Variants in PSD3 observed in about 807,000 individuals in gnomAD.
The protein encoded by PSD3 is pleckstrin and Sec7 domain containing 3.
PSD3 carries 49 observed loss-of-function variants against 105.5 expected under a neutral mutation model. The ratio of observed to expected loss-of-function variants is 0.46; its 90% CI spans 0.37 to 0.59. PSD3 has a LOEUF of 0.59. Ranked by LOEUF, PSD3 falls within the 20% of genes least tolerant of loss-of-function variation. PSD3 has a pLI of 0.00. For missense variants in PSD3, 1,561 were observed against 1,263.8 expected (o/e 1.24, Z -3.57); for synonymous variants, 557 against 457.8 (o/e 1.22, Z -2.77).
At chr8:18,743,406 T>C (rs1456190189) in intron 9 of PSD3, among the ~76,000 whole-genome samples, 2 of 152,160 alleles carry the variant, frequency 1.3e-5, no homozygotes, top group East Asian at 1.9e-4. Flanking sequence ...AATGGTCCTC[T>C]TTAGAAAATG....
intron 4 of PSD3, among the ~76,000 whole-genome samples, chr8:18,864,476 C>A (rs375252627): frequency 3.3e-5 from 5 of 152,308 alleles, no homozygotes; most frequent in South Asian, 4.1e-4. Flanking sequence ...ATATTTTTTA[C>A]AAGCTAGCGA....
intron 12 of PSD3, among the ~76,000 whole-genome samples, chr8:18,582,266 C>T (rs905106408): frequency 2.0e-5 from 3 of 152,210 alleles, no homozygotes; most frequent in African/African-American, 7.2e-5. Context: ...ACGCTCACCA[C>T]TGCACTGAAA....
chr8:18,985,121 A>AC (rs1379573142), intron 1 of PSD3, among the ~76,000 whole-genome samples: 1 of 152,024 alleles, frequency 6.6e-6, no homozygotes, highest in Non-Finnish European at 1.5e-5. Context: ...TTTAGTGGAG[A>AC]TGGGGTTTCG....
intron 1 of PSD3, among the ~76,000 whole-genome samples, chr8:18,977,143 C>G (rs1001785743): frequency 8.6e-5 from 13 of 151,636 alleles, no homozygotes; most frequent in African/African-American, 2.4e-4. Flanking sequence ...GCCTGTAATC[C>G]CAGCTACTTG....
intron 15 of PSD3, among the ~76,000 whole-genome samples, chr8:18,536,422 C>T (rs1427886585): frequency 6.6e-6 from 1 of 152,144 alleles, no homozygotes; most frequent in Non-Finnish European, 1.5e-5. Flanking sequence ...CTCCCTGTAA[C>T]CCTACAAAGG....
rs1331877669 is a variant in PSD3, at chr8:18,872,077, C to A, written c.787G>T (p.Ala263Ser). Residue 263 changes from alanine (A) to serine (S), a missense_variant, in exon 3 of 16, where the codon GCA becomes TCA. Ala to Ser is a moderately conservative substitution (Grantham distance 99). Transcript: ENST00000327040. The part of the protein sequence containing the change: ...LGSSAVTCHS[A>S]GSVGFLKEQR... ...TCTTTCAAGAAACCAACACTGCCTG[C>A]AGAGTGGCAGGTCACTGCTGAGCTC... is the stretch of plus-strand genomic sequence containing the variant. 6.2e-7 allele frequency: 1 copy of A among 1,614,186 alleles called. No individual in the cohort carries two copies. Among genetic ancestry groups the A allele is most frequent in the South Asian group, 1.1e-5 (1 of 91,076 alleles).
At chr8:18,566,104 TC>T (rs1801729373) in intron 14 of PSD3, among the ~76,000 whole-genome samples, 2 of 152,088 alleles carry the variant, frequency 1.3e-5, no homozygotes, top group Admixed American at 6.6e-5. Flanking sequence ...AGTATAGATA[TC>T]CCCAAGAGCC....
intron 12 of PSD3, among the ~76,000 whole-genome samples, chr8:18,590,316 C>T (rs145917142): frequency 3.0e-4 from 45 of 152,108 alleles, no homozygotes; most frequent in South Asian, 2.1e-3. Context: ...TTCAGTACTG[C>T]GGATAGTAAA....
At chr8:18,589,292 T>C (rs9644609) in intron 12 of PSD3, among the ~76,000 whole-genome samples, 1 of 151,878 alleles carries the variant, frequency 6.6e-6, no homozygotes, top group Non-Finnish European at 1.5e-5. Context: ...TCTCCAAGTA[T>C]CAACAACTGC....
At chr8:18,594,395 TA>T (rs1310431303) in intron 12 of PSD3, among the ~76,000 whole-genome samples, 3 of 116,908 alleles carry the variant, frequency 2.6e-5, no homozygotes, top group Non-Finnish European at 4.9e-5. Flanking sequence ...TTATATATAA[TA>T]TATTATATAA....
chr8:18,825,374 C>T (rs1813090691), intron 4 of PSD3, among the ~76,000 whole-genome samples: 1 of 152,144 alleles, frequency 6.6e-6, no homozygotes, highest in African/African-American at 2.4e-5. Context: ...GGCCAGGTAC[C>T]ACCCCCAAGA....
chr8:19,084,272 G>A (rs531870751), exon 1 of PSD3: 1 of 456,300 alleles, frequency 2.2e-6, no homozygotes. Flanking sequence ...GACAGTACCT[G>A]TAGAGCCATG....
chr8:19,055,783 C>G (rs1256439947), intron 1 of PSD3, among the ~76,000 whole-genome samples: 1 of 152,194 alleles, frequency 6.6e-6, no homozygotes, highest in East Asian at 1.9e-4. Flanking sequence ...CCTGTGGCGA[C>G]AGAGATTTCA....
intron 1 of PSD3, among the ~76,000 whole-genome samples, chr8:19,071,998 C>T (rs1031641397): frequency 2.0e-5 from 3 of 152,122 alleles, no homozygotes; most frequent in African/African-American, 7.2e-5. Context: ...GCGTAAGCCA[C>T]CATGCCTGGT....
intron 9 of PSD3, among the ~76,000 whole-genome samples, chr8:18,746,027 T>C (rs551215973): frequency 8.5e-5 from 13 of 152,330 alleles, no homozygotes; most frequent in South Asian, 8.3e-4. Flanking sequence ...AGGCCAAAGA[T>C]AGTTTAAAGC....
At chr8:19,082,731 G>A (rs1315587186) in intron 1 of PSD3, among the ~76,000 whole-genome samples, 1 of 152,208 alleles carries the variant, frequency 6.6e-6, no homozygotes, top group Non-Finnish European at 1.5e-5. Flanking sequence ...CAAGTCATCA[G>A]GCCAGCACTG....
intron 9 of PSD3, among the ~76,000 whole-genome samples, chr8:18,744,892 C>A (rs919827184): frequency 3.9e-5 from 6 of 152,150 alleles, no homozygotes; most frequent in African/African-American, 1.4e-4. Flanking sequence ...TCAGTATTCC[C>A]TTGTCTTTTA....
intron 9 of PSD3, among the ~76,000 whole-genome samples, chr8:18,754,237 A>G (rs544945506): frequency 6.6e-6 from 1 of 152,078 alleles, no homozygotes; most frequent in East Asian, 1.9e-4. Context: ...TACAAAAATT[A>G]GGAGGGCGTG....
rs1254178038 is a variant in PSD3, at chr8:18,784,950, G to A, written c.2082+14345C>T. On this transcript the variant is annotated intron_variant, in intron 8 of 15. Transcript: ENST00000327040. Reference sequence around the variant, plus strand: ...GCTCCCTGGAGGTGGGGTGTGTGCGGAAGGAGGGGAGGCTGAAAATTCCAA... The same window carrying A: ...GCTCCCTGGAGGTGGGGTGTGTGCGAAAGGAGGGGAGGCTGAAAATTCCAA... 2.6e-5 allele frequency among the ~76,000 whole-genome samples: 4 copies of A among 152,264 alleles called. No homozygotes were observed. The East Asian group carries it at 7.7e-4, about 29-fold the overall frequency.
Sources: gnomAD v4.1 joint callset for allele counts (sites outside exome capture counted in the v4.1 genomes callset) on GRCh38, gnomAD v4.1.1 for gene constraint, MANE v1.5 for transcripts, NCBI Gene and HGNC (gene_info 2026-07-23, HGNC 2026-07-21) for gene names.